Variants in SWT1 observed in about 807,000 individuals in gnomAD.
SWT1 encodes the protein transcriptional protein SWT1.
Under a neutral mutation model 107.3 loss-of-function variants are expected in SWT1, and 33 were observed. The observed-to-expected ratio is 0.31, with a 90% confidence interval of 0.23 to 0.41. The LOEUF (loss-of-function observed/expected upper bound fraction) is 0.41. Ranked by LOEUF, SWT1 falls within the 10% of genes least tolerant of loss-of-function variation. The pLI is 1.00. For synonymous variants in SWT1, 345 were observed against 348.3 expected (o/e 0.99, Z 0.11); for missense variants, 898 against 1,028.9 (o/e 0.87, Z 1.74).
intron 9 of SWT1, among the ~76,000 whole-genome samples, chr1:185,187,811 C>T (rs1252754182): frequency 6.6e-6 from 1 of 152,152 alleles, no homozygotes; most frequent in African/African-American, 2.4e-5. Flanking sequence ...GCCTCAGCCT[C>T]CTGAGTAGCT....
intron 6 of SWT1, among the ~76,000 whole-genome samples, chr1:185,181,275 A>G (rs1468337616): frequency 1.3e-5 from 2 of 152,162 alleles, no homozygotes; most frequent in Admixed American, 6.5e-5. Context: ...CTCAAAACAA[A>G]ACAAAAAACT....
At chr1:185,176,822 A>G (rs758878188) in intron 5 of SWT1, 230 of 449,848 alleles carry the variant, frequency 5.1e-4, no homozygotes, top group Non-Finnish European at 6.2e-4. Context: ...ATCTCTACTA[A>G]AAATACAAAA....
intron 16 of SWT1, among the ~76,000 whole-genome samples, chr1:185,239,729 G>GT (rs1276194806): frequency 6.6e-6 from 1 of 151,704 alleles, no homozygotes. Context: ...AGACAAAAGT[G>GT]TTTTAAGATT....
chr1:185,282,091 A>G (rs939029896), intron 18 of SWT1, among the ~76,000 whole-genome samples: 1 of 152,164 alleles, frequency 6.6e-6, no homozygotes, highest in African/African-American at 2.4e-5. Flanking sequence ...AAGTCAACAT[A>G]ACATTTTTGG....
At chr1:185,172,001 A>G (rs1039425186) in intron 4 of SWT1, among the ~76,000 whole-genome samples, 1 of 152,226 alleles carries the variant, frequency 6.6e-6, no homozygotes, top group African/African-American at 2.4e-5. Context: ...GTTTGCTCTT[A>G]CATAATTAAT....
intron 10 of SWT1, 34 bp from the exon 11 acceptor site, chr1:185,202,601 GTTTACCTTATAAAAAATAT>G: frequency 6.6e-7 from 1 of 1,523,598 alleles, no homozygotes; most frequent in South Asian, 1.2e-5. Flanking sequence ...TTGCCATGTG[GTTTACCTTATAAAAAATAT>G]TTTTTCCTCC....
rs571161674 is a variant in SWT1, at chr1:185,211,169, C to CTT, written c.1973-3337_1973-3336dup. Among the ~76,000 whole-genome samples, 74 of 152,258 alleles carry CTT rather than the reference C, an allele frequency of 4.9e-4. 1 individual carries two copies. The South Asian group carries it at 0.015, about 31-fold the overall frequency. ...TCCTCATCAAGCTACCATTGACTTTCTTCACAGAATTGGAAAAAAATACTT... is the reference window on the plus strand; with the variant it reads ...TCCTCATCAAGCTACCATTGACTTTCTTTTCACAGAATTGGAAAAAAATACTT... On this transcript the variant is annotated intron_variant, in intron 13 of 18. Transcript: ENST00000367500.
At chr1:185,193,833 G>A (rs1657163460) in intron 10 of SWT1, among the ~76,000 whole-genome samples, 1 of 152,102 alleles carries the variant, frequency 6.6e-6, no homozygotes, top group Admixed American at 6.6e-5. Context: ...TTGTGGATTT[G>A]TCTATTTCTC....
intron 10 of SWT1, among the ~76,000 whole-genome samples, chr1:185,198,937 CA>C (rs1255601985): frequency 3.4e-5 from 5 of 147,914 alleles, no homozygotes; most frequent in African/African-American, 1.2e-4. Context: ...AGCTCGTTTA[CA>C]TTTTTTTTTT....
At chr1:185,235,666 C>T (rs980809796) in intron 16 of SWT1, among the ~76,000 whole-genome samples, 5 of 152,150 alleles carry the variant, frequency 3.3e-5, no homozygotes, top group African/African-American at 7.2e-5. Context: ...CCTCTCTCAC[C>T]ACTCCAATTC....
intron 16 of SWT1, among the ~76,000 whole-genome samples, chr1:185,268,145 A>G (rs1173625010): frequency 6.6e-6 from 1 of 152,204 alleles, no homozygotes; most frequent in Admixed American, 6.5e-5. Context: ...CAAAATAACA[A>G]ATTTTATCAT....
intron 15 of SWT1, among the ~76,000 whole-genome samples, chr1:185,225,725 C>T (rs1178235315): frequency 1.3e-5 from 2 of 152,292 alleles, no homozygotes; most frequent in Middle Eastern, 3.4e-3. Context: ...TATGTAAATA[C>T]ACTCTAAGAT....
intron 16 of SWT1, among the ~76,000 whole-genome samples, chr1:185,267,892 G>GA (rs1410137892): frequency 6.6e-6 from 1 of 152,174 alleles, no homozygotes; most frequent in Non-Finnish European, 1.5e-5. Flanking sequence ...AGAGAAGGCT[G>GA]ACCTCTCAAG....
intron 4 of SWT1, among the ~76,000 whole-genome samples, chr1:185,172,005 A>C (rs191873580): frequency 7.2e-5 from 11 of 152,306 alleles, no homozygotes; most frequent in African/African-American, 2.2e-4. Flanking sequence ...GCTCTTACAT[A>C]ATTAATTATT....
intron 16 of SWT1, among the ~76,000 whole-genome samples, chr1:185,265,265 T>C (rs1364058729): frequency 5.3e-5 from 8 of 152,332 alleles, no homozygotes; most frequent in Non-Finnish European, 1.0e-4. Flanking sequence ...TGTTTAATTG[T>C]TCTTTCACCA....
chr1:185,192,712 A>G (rs1042989805), intron 10 of SWT1, among the ~76,000 whole-genome samples: 1 of 148,256 alleles, frequency 6.7e-6, no homozygotes, highest in African/African-American at 2.5e-5. Flanking sequence ...CAGTGGCGCC[A>G]TCTCGGCTAA....
intron 16 of SWT1, among the ~76,000 whole-genome samples, chr1:185,257,438 G>A (rs568611782): frequency 9.7e-4 from 146 of 150,148 alleles, no homozygotes; most frequent in Non-Finnish European, 5.4e-4. Flanking sequence ...GCGAGACTCC[G>A]TGGGCGTAGG....
intron 10 of SWT1, among the ~76,000 whole-genome samples, chr1:185,200,676 G>A (rs917806691): frequency 5.6e-4 from 85 of 152,308 alleles, no homozygotes; most frequent in African/African-American, 2.0e-3. Context: ...TCTGTATGAG[G>A]TGTCTGTCAA....
intron 14 of SWT1, among the ~76,000 whole-genome samples, chr1:185,220,142 A>G (rs1264216420): frequency 2.1e-5 from 3 of 144,514 alleles, no homozygotes; most frequent in Non-Finnish European, 4.6e-5. Context: ...CTGTCTCAAA[A>G]AAAAAAAAAA....
Sources: gnomAD v4.1 joint callset for allele counts (sites outside exome capture counted in the v4.1 genomes callset) on GRCh38, gnomAD v4.1.1 for gene constraint, MANE v1.5 for transcripts, NCBI Gene and HGNC (gene_info 2026-07-23, HGNC 2026-07-21) for gene names.